The following LARGE1 variants were observed in gnomAD, a reference collection of about 807,000 sequenced individuals.
LARGE1 encodes the protein xylosyl- and glucuronyltransferase LARGE1.
In LARGE1, 43 loss-of-function variants were observed where a neutral mutation model predicts 87.6. That is an observed-to-expected ratio of 0.49 (90% confidence interval 0.38 to 0.63). The LOEUF (loss-of-function observed/expected upper bound fraction) is 0.63, where lower values mean the gene tolerates loss of function less well. Among genes scored for constraint, LARGE1 ranks in the 30% least tolerant of loss-of-function variants. The pLI, the probability that LARGE1 is intolerant of heterozygous loss-of-function variation, is 0.00. For synonymous variants in LARGE1, 434 were observed against 394.6 expected (o/e 1.10, Z -1.18); for missense variants, 802 against 1,000.2 (o/e 0.80, Z 2.67).
chr22:33,705,430 G>A (rs537895948), intron 2 of LARGE1, among the ~76,000 whole-genome samples: 3 of 152,290 alleles, frequency 2.0e-5, no homozygotes, highest in South Asian at 2.1e-4. Flanking sequence ...CAGGAAGAGC[G>A]ATGTTGATCC....
At chr22:33,558,855 G>C (rs1161588473) in intron 6 of LARGE1, among the ~76,000 whole-genome samples, 1 of 152,222 alleles carries the variant, frequency 6.6e-6, no homozygotes, top group African/African-American at 2.4e-5. Flanking sequence ...AGAACTGTGA[G>C]GAAATGGAGC....
chr22:33,588,718 T>C lies in LARGE1; in HGVS notation c.615+15717A>G, dbSNP rs544697324. Among the ~76,000 whole-genome samples, 35 of 152,342 alleles carry C rather than the reference T, an allele frequency of 2.3e-4. 1 individual carries two copies. The South Asian group carries it at 3.7e-3, about 16-fold the overall frequency. On this transcript the variant is annotated intron_variant, in intron 5 of 14. Coordinates refer to ENST00000397394, the MANE Select transcript of LARGE1 (RefSeq NM_133642.5). ...TGCAGGAGGGAGAAGATGAGGCCCA[T>C]GGCCTGGCTTAAGAGGGAGTCAGAG...
At chr22:33,734,686 T>C (rs1002569036) in intron 2 of LARGE1, among the ~76,000 whole-genome samples, 3 of 152,142 alleles carry the variant, frequency 2.0e-5, no homozygotes, top group Non-Finnish European at 4.4e-5. Context: ...GGTTCATGCT[T>C]CTCTTTCCTA....
At chr22:33,578,095 A>G (rs972357977) in intron 5 of LARGE1, among the ~76,000 whole-genome samples, 1 of 152,216 alleles carries the variant, frequency 6.6e-6, no homozygotes, top group Admixed American at 6.5e-5. Flanking sequence ...GACCGTGGTA[A>G]TATTGACATT....
intron 9 of LARGE1, among the ~76,000 whole-genome samples, chr22:33,365,686 C>T (rs112422965): frequency 0.018 from 2,668 of 150,876 alleles, 77 homozygotes; most frequent in African/African-American, 0.056. Context: ...ACAATCTCGG[C>T]TCACTGCAAC....
intron 2 of LARGE1, among the ~76,000 whole-genome samples, chr22:33,653,302 T>C (rs185772515): frequency 6.6e-6 from 1 of 152,320 alleles, no homozygotes; most frequent in East Asian, 1.9e-4. Flanking sequence ...AAGTTTAAAC[T>C]GTGTTCCTAT....
At chr22:33,376,162 T>C (rs2064986387) in intron 9 of LARGE1, among the ~76,000 whole-genome samples, 1 of 152,000 alleles carries the variant, frequency 6.6e-6, no homozygotes, top group Non-Finnish European at 1.5e-5. Flanking sequence ...CATAACAAAA[T>C]AGAAAATTTC....
intron 7 of LARGE1, among the ~76,000 whole-genome samples, chr22:33,393,526 G>A (rs970194056): frequency 3.9e-5 from 6 of 152,212 alleles, no homozygotes; most frequent in African/African-American, 1.4e-4. Flanking sequence ...TTTGAAACTG[G>A]AGCCTTTTAA....
intron 1 of LARGE1, among the ~76,000 whole-genome samples, chr22:33,885,838 C>A (rs2064829136): frequency 6.6e-6 from 1 of 152,108 alleles, no homozygotes; most frequent in African/African-American, 2.4e-5. Context: ...CGAGACCAGC[C>A]TGGCCAACAT....
chr22:33,570,160 C>G (rs575243891), intron 5 of LARGE1, among the ~76,000 whole-genome samples: 32 of 152,102 alleles, frequency 2.1e-4, no homozygotes, highest in Non-Finnish European at 3.8e-4. Flanking sequence ...TGGGGGCCTA[C>G]AATGTTATAG....
chr22:33,319,150 C>T (rs1402620091), intron 10 of LARGE1, among the ~76,000 whole-genome samples: 1 of 152,142 alleles, frequency 6.6e-6, no homozygotes, highest in Non-Finnish European at 1.5e-5. Flanking sequence ...TAAAGCGGCA[C>T]AGTTTATTTC....
chr22:33,821,856 C>T (rs1344164953), intron 1 of LARGE1, among the ~76,000 whole-genome samples: 1 of 151,332 alleles, frequency 6.6e-6, no homozygotes, highest in Non-Finnish European at 1.5e-5. Flanking sequence ...ACTGAAAAGC[C>T]TGCCCAAGTG....
intron 11 of LARGE1, among the ~76,000 whole-genome samples, chr22:33,241,437 G>C (rs974451100): frequency 3.3e-5 from 5 of 151,840 alleles, no homozygotes; most frequent in African/African-American, 1.2e-4. Context: ...TCTCACTATT[G>C]AATTTCCAGC....
intron 2 of LARGE1, among the ~76,000 whole-genome samples, chr22:33,744,721 T>C (rs1416690944): frequency 1.3e-5 from 2 of 152,168 alleles, no homozygotes; most frequent in Non-Finnish European, 2.9e-5. Flanking sequence ...TACTGACTGG[T>C]ACAGTGCTCA....
At chr22:33,672,226 T>C (rs751418711) in intron 2 of LARGE1, among the ~76,000 whole-genome samples, 1 of 152,202 alleles carries the variant, frequency 6.6e-6, no homozygotes, top group Non-Finnish European at 1.5e-5. Flanking sequence ...CTCTTTCTTA[T>C]ACTAGACAGA....
At chr22:33,618,583 T>G (rs5999038) in intron 4 of LARGE1, among the ~76,000 whole-genome samples, 8 of 152,388 alleles carry the variant, frequency 5.2e-5, no homozygotes, top group African/African-American at 1.9e-4. Context: ...AGATATCACG[T>G]GCCTATGCTA....
At chr22:33,258,798 C>A (rs1029265860) in intron 11 of LARGE1, among the ~76,000 whole-genome samples, 2 of 151,976 alleles carry the variant, frequency 1.3e-5, no homozygotes, top group Non-Finnish European at 2.9e-5. Context: ...GGGTCTGGAT[C>A]GGGACCCCTT....
intron 10 of LARGE1, among the ~76,000 whole-genome samples, chr22:33,332,352 C>A (rs780321752): frequency 6.6e-6 from 1 of 152,178 alleles, no homozygotes; most frequent in Non-Finnish European, 1.5e-5. Flanking sequence ...CTGTGTAAGA[C>A]GTCCCTTGCT....
intron 11 of LARGE1, among the ~76,000 whole-genome samples, chr22:33,194,819 G>C (rs1008945025): frequency 6.6e-6 from 1 of 152,186 alleles, no homozygotes; most frequent in Non-Finnish European, 1.5e-5. Context: ...GAGAGCCAGA[G>C]TGAAGGAGTG....
Sources: allele counts gnomAD v4.1 joint callset (sites outside exome capture counted in the v4.1 genomes callset), GRCh38; gene constraint gnomAD v4.1.1; transcripts MANE v1.5; gene names NCBI Gene and HGNC (gene_info 2026-07-23, HGNC 2026-07-21).